The following DNA2 variants were observed in gnomAD, a reference collection of about 807,000 sequenced individuals.
DNA2 encodes the protein DNA replication helicase/nuclease 2, also known as DNA replication ATP-dependent helicase/nuclease DNA2.
A neutral mutation model predicts 119.1 loss-of-function variants in DNA2; 101 were observed. The ratio of observed to expected loss-of-function variants is 0.85; its 90% CI spans 0.72 to 1.00. The LOEUF (loss-of-function observed/expected upper bound fraction) is 1.00, where lower values mean the gene tolerates loss of function less well. Among genes scored for constraint, DNA2 ranks in the 50% least tolerant of loss-of-function variants. The probability of loss-of-function intolerance (pLI) is 0.00; values close to 1 mark genes in which losing one functional copy is unlikely to be tolerated. For synonymous variants in DNA2, 366 were observed against 424.4 expected (o/e 0.86, Z 1.69); for missense variants, 1,121 against 1,255.5 (o/e 0.89, Z 1.62).
Position 68,444,391 on chromosome 10 carries a change from A to T in DNA2, c.1220+530T>A, listed in dbSNP as rs572442586. On this transcript the variant is annotated intron_variant, in intron 8 of 20. Transcript: ENST00000358410. Reference sequence around the variant, plus strand: ...AGTGACAGAGTGAGACTGTCTCAAAAAAATAAATAAATAAATAAAATACAA... The same window carrying T: ...AGTGACAGAGTGAGACTGTCTCAAATAAATAAATAAATAAATAAAATACAA... Among the ~76,000 whole-genome samples, 24 of 151,690 alleles carry T rather than the reference A, an allele frequency of 1.6e-4. No individual in the cohort carries two copies. The South Asian group carries it at 4.4e-3, about 28-fold the overall frequency.
chr10:68,453,375 T>C (rs886421143), intron 5 of DNA2, among the ~76,000 whole-genome samples: 4 of 152,198 alleles, frequency 2.6e-5, no homozygotes, highest in African/African-American at 7.2e-5. Context: ...ATTTTAGATA[T>C]CCTTTTAAGT....
intron 5 of DNA2, among the ~76,000 whole-genome samples, chr10:68,456,868 C>T (rs2052188989): frequency 6.6e-6 from 1 of 151,420 alleles, no homozygotes. Context: ...GGCACGGTGG[C>T]TCACGCCTGT....
At chr10:68,429,296 G>A (rs1042306471) in intron 14 of DNA2, among the ~76,000 whole-genome samples, 2 of 151,010 alleles carry the variant, frequency 1.3e-5, no homozygotes, top group Admixed American at 6.6e-5. Context: ...TATAATCCTG[G>A]CACTTTGGGA....
chr10:68,432,553 C>T, intron 10 of DNA2, 43 bp from the exon 11 acceptor site: 2 of 1,095,188 alleles, frequency 1.8e-6, no homozygotes, highest in Non-Finnish European at 2.7e-6. Flanking sequence ...CGCCATTTCG[C>T]ATAGTCTGTA....
chr10:68,431,043 G>A (rs2051813359), intron 13 of DNA2, among the ~76,000 whole-genome samples: 1 of 151,886 alleles, frequency 6.6e-6, no homozygotes, highest in African/African-American at 2.4e-5. Flanking sequence ...GGGAGGCTTA[G>A]GAACGAGGAC....
intron 14 of DNA2, chr10:68,424,692 C>T (rs1182844317): frequency 3.1e-6 from 5 of 1,606,072 alleles, no homozygotes; most frequent in African/African-American, 1.3e-5. Context: ...GTACAATGTC[C>T]GCTCCACACC....
rs370115630 is a variant in DNA2 at position 68,471,952 on chromosome 10, A to C, written c.-88T>G. 9.3e-5 allele frequency: 150 copies of C among 1,612,868 alleles called. No individual in the cohort carries two copies. The highest frequency in any genetic ancestry group is 4.9e-4 in the Middle Eastern group (3 of 6,072). Reference sequence around the variant, plus strand: ...AGCTTAGAAAAGGGAAAAAGGCGCGAGCCTGCGCACCTCGCGCGCATGCGC... The same window carrying C: ...AGCTTAGAAAAGGGAAAAAGGCGCGCGCCTGCGCACCTCGCGCGCATGCGC... On this transcript the variant is annotated 5_prime_UTR_variant, in exon 1 of 21. Transcript: ENST00000358410.
chr10:68,423,120 A>G (rs143355723), intron 14 of DNA2, among the ~76,000 whole-genome samples: 33 of 152,272 alleles, frequency 2.2e-4, no homozygotes, highest in African/African-American at 7.9e-4. Context: ...TCACATTTGG[A>G]TATTTCCCAG....
In DNA2 at chr10:68,442,833, C is replaced by T. The variant is rs2051987520; in HGVS notation, c.1415+84G>A. Reference sequence around the variant, plus strand: ...ACGTTATCTATAACATGCTTCATAACTTGTATTTGTCATAAATTCCAAAGG... The same window carrying T: ...ACGTTATCTATAACATGCTTCATAATTTGTATTTGTCATAAATTCCAAAGG... On this transcript the variant is annotated intron_variant, in intron 9 of 20. Transcript: ENST00000358410. 25 of 1,145,426 alleles carry T rather than the reference C, an allele frequency of 2.2e-5. No homozygotes were observed. In the South Asian group the frequency reaches 3.4e-4, roughly 16 times the overall value. 71.0% of individuals were successfully genotyped at this position (1,145,426 alleles called of 1,614,324 possible). A position where few individuals can be genotyped will look rare whatever the true frequency, so the allele number is the denominator to read the frequency against.
At chr10:68,472,038 A>C, upstream of DNA2, 2 of 1,604,572 alleles carry the variant, frequency 1.2e-6, no homozygotes, top group Non-Finnish European at 1.7e-6. Context: ...GGCGCGTTCC[A>C]CGTGGGGCCC....
chr10:68,460,139 C>A (rs554131133), intron 4 of DNA2, among the ~76,000 whole-genome samples: 1 of 152,074 alleles, frequency 6.6e-6, no homozygotes, highest in African/African-American at 2.4e-5. Flanking sequence ...CAGGGTCTCA[C>A]GCTGTCACCC....
chr10:68,471,780 T>C lies in DNA2; in HGVS notation c.74+11A>G. On this transcript the variant is annotated intron_variant, in intron 1 of 20. Coordinates refer to ENST00000358410, the MANE Select transcript of DNA2 (RefSeq NM_001080449.3). ...CGCTTTGTTCCCACACCCTCCCCCCTCTCCGCTCACAGCTCCGCCGGCAGC... is the reference window on the plus strand; with the variant it reads ...CGCTTTGTTCCCACACCCTCCCCCCCCTCCGCTCACAGCTCCGCCGGCAGC... 1 of 1,591,840 alleles carries C rather than the reference T, an allele frequency of 6.3e-7. No individual in the cohort carries two copies. Among genetic ancestry groups the C allele is most frequent in the South Asian group, 1.1e-5 (1 of 88,022 alleles).
chr10:68,457,701 T>C (rs2052202515), intron 5 of DNA2, among the ~76,000 whole-genome samples: 1 of 140,216 alleles, frequency 7.1e-6, no homozygotes, highest in Non-Finnish European at 1.6e-5. Flanking sequence ...GAAAAAAACA[T>C]ATTTCCCCTA....
chr10:68,465,860 C>A, intron 3 of DNA2, 48 bp from the exon 4 acceptor site: 1 of 1,400,800 alleles, frequency 7.1e-7, no homozygotes, highest in Non-Finnish European at 9.4e-7. Flanking sequence ...TTAACAGACA[C>A]AATTGTATAT....
chr10:68,426,113 G>A (rs1044316875), intron 14 of DNA2, among the ~76,000 whole-genome samples: 1 of 152,098 alleles, frequency 6.6e-6, no homozygotes, highest in African/African-American at 2.4e-5. Context: ...TCCAGCCTAG[G>A]TGACAGAGGA....
chr10:68,424,791 G>C, intron 14 of DNA2: 1 of 1,238,630 alleles, frequency 8.1e-7, no homozygotes, highest in Non-Finnish European at 1.2e-6. Flanking sequence ...CAGAAAGAAA[G>C]ATGTCATCTA....
intron 4 of DNA2, among the ~76,000 whole-genome samples, chr10:68,460,713 C>T (rs572659949): frequency 8.5e-5 from 13 of 152,050 alleles, no homozygotes; most frequent in African/African-American, 2.4e-4. Context: ...TGGCCTAACA[C>T]GGTAATTTTT....
intron 4 of DNA2, among the ~76,000 whole-genome samples, chr10:68,462,075 T>A (rs925137646): frequency 2.0e-5 from 3 of 152,208 alleles, no homozygotes; most frequent in African/African-American, 7.2e-5. Flanking sequence ...TATTTTTGAA[T>A]GAAATACATT....
At chr10:68,429,589 G>C (rs1468367891) in intron 14 of DNA2, among the ~76,000 whole-genome samples, 1 of 146,596 alleles carries the variant, frequency 6.8e-6, no homozygotes, top group Non-Finnish European at 1.5e-5. Flanking sequence ...GCGGGTGCCT[G>C]TAGTCCCAGC....
Sources: allele counts gnomAD v4.1 joint callset (sites outside exome capture counted in the v4.1 genomes callset), GRCh38; gene constraint gnomAD v4.1.1; transcripts MANE v1.5; gene names NCBI Gene and HGNC (gene_info 2026-07-23, HGNC 2026-07-21).